Variants in MGRN1 observed in about 807,000 individuals in gnomAD.
MGRN1 encodes mahogunin ring finger 1.
In MGRN1, 29 loss-of-function variants were observed where a neutral mutation model predicts 69.2. That is an observed-to-expected ratio of 0.42 (90% confidence interval 0.31 to 0.57). The LOEUF (loss-of-function observed/expected upper bound fraction) is 0.57, where lower values mean the gene tolerates loss of function less well. MGRN1 is among the 20% of genes least tolerant of loss of function. MGRN1 has a pLI of 0.15. For missense variants in MGRN1, 998 were observed against 796.2 expected, an observed-to-expected ratio of 1.25 and a Z score of -3.05; for synonymous variants, 470 against 344.2, an observed-to-expected ratio of 1.37 and a Z score of -4.04.
intron 8 of MGRN1, chr16:4,671,179 C>T (rs894210998): frequency 3.4e-6 from 2 of 585,918 alleles, no homozygotes; most frequent in Non-Finnish European, 6.1e-6. Flanking sequence ...GTGGGGAGAG[C>T]CACCGGCTCC....
chr16:4,624,838 C>G lies in MGRN1; in HGVS notation c.-123C>G. On this transcript the variant is annotated 5_prime_UTR_variant, in exon 1 of 17. Transcript: ENST00000262370. The stretch of plus-strand genomic sequence containing the variant: ...CCGAGCCGGGGGTGGGGGCTCGAGG[C>G]GCCTCCGCGGCCGTGGACGAGCGTC... 1 of 737,008 alleles carries G rather than the reference C, an allele frequency of 1.4e-6. No individual in the cohort carries two copies. The highest frequency in any genetic ancestry group is 1.9e-6 in the Non-Finnish European group (1 of 521,340). 45.7% of individuals were successfully genotyped at this position (737,008 alleles called of 1,614,324 possible). A position where few individuals can be genotyped will look rare whatever the true frequency, so the allele number is the denominator to read the frequency against.
At chr16:4,629,696 G>A (rs1339597408) in intron 1 of MGRN1, among the ~76,000 whole-genome samples, 2 of 149,140 alleles carry the variant, frequency 1.3e-5, no homozygotes, top group African/African-American at 2.5e-5. Flanking sequence ...CCTAGATCGC[G>A]CCACTGCACT....
chr16:4,655,015 A>G (rs146556745), intron 4 of MGRN1, among the ~76,000 whole-genome samples: 2 of 152,128 alleles, frequency 1.3e-5, no homozygotes, highest in African/African-American at 4.8e-5. Context: ...CAGGCGTCGA[A>G]TTCTTGGGCG....
At chr16:4,651,051 G>A (rs1409954548) in intron 2 of MGRN1, 1 of 152,094 alleles carries the variant, frequency 6.6e-6, no homozygotes, top group Admixed American at 6.6e-5. Flanking sequence ...GGAGGTGGCA[G>A]TGAGCCGAGA....
chr16:4,625,187 C>A, intron 1 of MGRN1, 139 bp downstream of exon 1: 2 of 796,402 alleles, frequency 2.5e-6, no homozygotes, highest in Non-Finnish European at 1.8e-6. Flanking sequence ...CTTCGCGCGG[C>A]CCCACGGCCC....
intron 5 of MGRN1, chr16:4,659,171 T>A (rs1040509232): frequency 1.3e-4 from 19 of 148,990 alleles, no homozygotes; most frequent in South Asian, 4.2e-4. Flanking sequence ...AAAAAAAAAA[T>A]AAAAATAAAA....
At chr16:4,652,150 G>A (rs2078423454) in intron 3 of MGRN1, 99 bp downstream of exon 3, 1 of 1,217,678 alleles carries the variant, frequency 8.2e-7, no homozygotes, top group Non-Finnish European at 1.2e-6. Flanking sequence ...AGGCGGGAGG[G>A]GCCCCAGTTT....
At position 4,668,326 on chromosome 16, in the gene MGRN1, G is replaced by A. The variant is rs760436518; in HGVS notation, c.726+14G>A. 24 of 1,613,260 alleles carry A rather than the reference G, an allele frequency of 1.5e-5. No homozygotes were observed. The highest frequency in any genetic ancestry group is 6.7e-5 in the African/African-American group (5 of 74,846). ...CAGAAGCAAATTGTAAGTCATCAGAGGAAATATGACGTGCTTGAATTAAAA... is the reference window on the plus strand; with the variant it reads ...CAGAAGCAAATTGTAAGTCATCAGAAGAAATATGACGTGCTTGAATTAAAA... On this transcript the variant is annotated intron_variant, in intron 8 of 16. Transcript: ENST00000262370.
intron 16 of MGRN1, among the ~76,000 whole-genome samples, chr16:4,685,932 T>G (rs545292031): frequency 1.3e-5 from 2 of 152,228 alleles, no homozygotes; most frequent in Admixed American, 1.3e-4. Context: ...CTCGGTCCTG[T>G]CTAGCCTCAG....
intron 11 of MGRN1, among the ~76,000 whole-genome samples, 155 bp downstream of exon 11, chr16:4,677,727 G>T (rs1490014896): frequency 6.6e-6 from 1 of 152,194 alleles, no homozygotes; most frequent in Admixed American, 6.5e-5. Context: ...CATGAAGGGG[G>T]TGGCCAGGCT....
In MGRN1 at chr16:4,689,628, C is replaced by T. The variant is rs2079412428; in HGVS notation, c.*720C>T. On this transcript the variant is annotated 3_prime_UTR_variant, in exon 17 of 17. Transcript: ENST00000262370. ...GGCCTTGTCACCAAGCTCCACACCT[C>T]CTCCTGGTGCTGGCTTTGGTGACAT... 6.6e-6 allele frequency: 1 copy of T among 152,262 alleles called. No homozygotes were observed. Among genetic ancestry groups the T allele is most frequent in the Admixed American group, 6.5e-5 (1 of 15,292 alleles). 9.4% of individuals were successfully genotyped at this position (152,262 alleles called of 1,614,324 possible).
At chr16:4,684,410 G>C (rs1256971533) in intron 16 of MGRN1, among the ~76,000 whole-genome samples, 2 of 152,254 alleles carry the variant, frequency 1.3e-5, no homozygotes, top group African/African-American at 4.8e-5. Context: ...GCAGGAGCAG[G>C]TACCACACGC....
chr16:4,681,843 T>C (rs1266045253), intron 13 of MGRN1, 67 bp downstream of exon 13: 4 of 1,465,762 alleles, frequency 2.7e-6, no homozygotes, highest in Non-Finnish European at 3.7e-6. Flanking sequence ...CGGGTGTCTT[T>C]GTGGTTTCAA....
intron 12 of MGRN1, 183 bp downstream of exon 12, chr16:4,680,280 G>A (rs1360155099): frequency 2.6e-5 from 16 of 617,370 alleles, no homozygotes; most frequent in Non-Finnish European, 4.1e-5. Flanking sequence ...CTCTCGGTCC[G>A]TGGGCGAAAC....
chr16:4,639,902 G>A (rs2078119839), intron 1 of MGRN1: 1 of 152,272 alleles, frequency 6.6e-6, no homozygotes, highest in South Asian at 2.1e-4. Flanking sequence ...AGGCTTGATA[G>A]CAAGACCCTA....
chr16:4,627,658 A>G lies in MGRN1; in HGVS notation c.88+2610A>G, dbSNP rs113858687. Among the ~76,000 whole-genome samples, 1,325 of 151,610 alleles carry G rather than the reference A, an allele frequency of 8.7e-3. 31 individuals are homozygous for G. Among genetic ancestry groups the G allele is most frequent in the African/African-American group, 0.018 (740 of 41,118 alleles). On this transcript the variant is annotated intron_variant, in intron 1 of 16. Coordinates refer to ENST00000262370, the MANE Select transcript of MGRN1 (RefSeq NM_015246.4). ...AAAAAATTTAGCCGGGCGTGATGGC[A>G]GGCGTCTATAGTCCCAGCTACGCGG...
intron 9 of MGRN1, chr16:4,672,524 C>T (rs910142331): frequency 8.9e-6 from 4 of 450,232 alleles, no homozygotes; most frequent in African/African-American, 4.0e-5. Context: ...GAAGTCAGTG[C>T]ATTCATGTTT....
chr16:4,676,461 G>T (rs2079055236), intron 10 of MGRN1, among the ~76,000 whole-genome samples: 1 of 152,184 alleles, frequency 6.6e-6, no homozygotes, highest in Non-Finnish European at 1.5e-5. Context: ...AGGTGTGTGG[G>T]GTCAGTGGGT....
chr16:4,642,858 T>C (rs1242526740), intron 1 of MGRN1, among the ~76,000 whole-genome samples: 1 of 151,582 alleles, frequency 6.6e-6, no homozygotes, highest in Non-Finnish European at 1.5e-5. Flanking sequence ...TTGATCAGGG[T>C]TCACTGCAGC....
Sources: allele counts gnomAD v4.1 joint callset (sites outside exome capture counted in the v4.1 genomes callset), GRCh38; gene constraint gnomAD v4.1.1; transcripts MANE v1.5; gene names NCBI Gene and HGNC (gene_info 2026-07-23, HGNC 2026-07-21).